The following RBFOX1 variants were observed in gnomAD, a reference collection of about 807,000 sequenced individuals.
RBFOX1 encodes RNA binding fox-1 homolog 1.
RBFOX1 carries 8 observed loss-of-function variants against 57.7 expected under a neutral mutation model. The ratio of observed to expected loss-of-function variants is 0.14; its 90% CI spans 0.08 to 0.25. The LOEUF is 0.25. Ranked by LOEUF, RBFOX1 falls within the 10% of genes least tolerant of loss-of-function variation. RBFOX1 has a pLI of 1.00. For missense variants in RBFOX1, 611 were observed against 548.5 expected (o/e 1.11, Z -1.14); for synonymous variants, 326 against 222.4 (o/e 1.47, Z -4.15).
chr16:6,262,760 T>C (rs2152640493), intron 1 of RBFOX1, among the ~76,000 whole-genome samples: 1 of 152,326 alleles, frequency 6.6e-6, no homozygotes, highest in African/African-American at 2.4e-5. Flanking sequence ...TGTGTCTTGC[T>C]CATCTTTGAT....
chr16:6,984,075 C>A lies in RBFOX1; in HGVS notation c.-15-67982C>A, dbSNP rs187278384. ...CCTGTCTGATCAACATGGAGAAACCCTGTCTCTACTAAAAATACGAAATTA... is the reference window on the plus strand; with the variant it reads ...CCTGTCTGATCAACATGGAGAAACCATGTCTCTACTAAAAATACGAAATTA... On this transcript the variant is annotated intron_variant, in intron 3 of 15. Transcript: ENST00000550418. Among the ~76,000 whole-genome samples, 45 of 152,244 alleles carry A rather than the reference C, an allele frequency of 3.0e-4. No individual in the cohort carries two copies. In the East Asian group the frequency reaches 7.5e-3, roughly 25 times the overall value.
chr16:5,416,764 C>T (rs1261764097), intron 1 of RBFOX1, among the ~76,000 whole-genome samples: 4 of 151,884 alleles, frequency 2.6e-5, no homozygotes, highest in African/African-American at 9.7e-5. Context: ...CTCCCCTTGT[C>T]TCATTCATGC....
At chr16:6,203,065 C>T (rs181743463) in intron 1 of RBFOX1, among the ~76,000 whole-genome samples, 114 of 151,932 alleles carry the variant, frequency 7.5e-4, no homozygotes, top group Non-Finnish European at 1.1e-3. Flanking sequence ...TGTGAGCCAC[C>T]GTGCCCAGCT....
chr16:5,964,386 C>A (rs958553536), intron 4 of RBFOX1, among the ~76,000 whole-genome samples: 2 of 152,112 alleles, frequency 1.3e-5, no homozygotes, highest in Admixed American at 6.6e-5. Flanking sequence ...CCAACAATCC[C>A]ACTTCTGGGT....
At chr16:5,775,261 C>T (rs764228006) in intron 3 of RBFOX1, among the ~76,000 whole-genome samples, 1 of 152,172 alleles carries the variant, frequency 6.6e-6, no homozygotes, top group African/African-American at 2.4e-5. Context: ...TCCTAAGCTT[C>T]CCTTCAACTA....
chr16:5,888,298 C>T lies in RBFOX1; in HGVS notation c.351+20963C>T, dbSNP rs542209838. Among the ~76,000 whole-genome samples the T allele has an allele frequency of 5.9e-5, 9 of 152,306 alleles. No homozygotes were observed. In the South Asian group the frequency reaches 1.4e-3, roughly 25 times the overall value. Reference sequence around the variant, plus strand: ...TTCTCCAGTTGCCTCCCCTCATTATCCATCCCAAAGTGAGCATCTTCCTTT... The same window carrying T: ...TTCTCCAGTTGCCTCCCCTCATTATTCATCCCAAAGTGAGCATCTTCCTTT... On this transcript the variant is annotated intron_variant, in intron 4 of 19. Transcript: ENST00000641259.
intron 4 of RBFOX1, among the ~76,000 whole-genome samples, chr16:7,076,686 A>T (rs1013092191): frequency 6.6e-6 from 1 of 152,240 alleles, no homozygotes; most frequent in Non-Finnish European, 1.5e-5. Flanking sequence ...CACAAAGTGT[A>T]AACAATTCTA....
intron 3 of RBFOX1, among the ~76,000 whole-genome samples, chr16:6,851,788 C>A (rs1303551926): frequency 1.3e-5 from 2 of 152,138 alleles, no homozygotes. Flanking sequence ...GCACCCGGAC[C>A]CTTAACTCCT....
At chr16:5,904,712 T>C (rs1395195145) in intron 4 of RBFOX1, among the ~76,000 whole-genome samples, 2 of 152,140 alleles carry the variant, frequency 1.3e-5, no homozygotes, top group Middle Eastern at 3.4e-3. Context: ...GCACAGTGTC[T>C]CGCGCCTGTA....
intron 4 of RBFOX1, among the ~76,000 whole-genome samples, chr16:5,869,350 A>C (rs1317704729): frequency 6.6e-6 from 1 of 152,164 alleles, no homozygotes; most frequent in East Asian, 1.9e-4. Flanking sequence ...GGCAGTTTAA[A>C]ACAATCATCC....
intron 5 of RBFOX1, among the ~76,000 whole-genome samples, chr16:7,522,825 C>T (rs1419010129): frequency 1.3e-5 from 2 of 152,112 alleles, no homozygotes; most frequent in Non-Finnish European, 2.9e-5. Context: ...AAAAAGAAAC[C>T]ACTTTTTAAC....
intron 3 of RBFOX1, among the ~76,000 whole-genome samples, chr16:6,813,385 A>G (rs576638837): frequency 5.0e-4 from 76 of 152,204 alleles, no homozygotes; most frequent in African/African-American, 1.7e-3. Context: ...TCCCATCTTG[A>G]GAATGCTCGT....
rs886427289 is a variant in RBFOX1, at chr16:5,987,867, A to G, written c.351+120532A>G. 4.6e-5 allele frequency among the ~76,000 whole-genome samples: 7 copies of G among 152,224 alleles called. No homozygotes were observed. The South Asian group carries it at 8.3e-4, about 18-fold the overall frequency. On this transcript the variant is annotated intron_variant, in intron 4 of 19. Coordinates refer to the RBFOX1 transcript ENST00000641259. ...CTGACACCCAGCTAAGCACTTTTCAATAGCATTTTATATAATCCCTGAAGT... is the reference window on the plus strand; with the variant it reads ...CTGACACCCAGCTAAGCACTTTTCAGTAGCATTTTATATAATCCCTGAAGT...
intron 1 of RBFOX1, among the ~76,000 whole-genome samples, chr16:6,093,243 CA>C (rs896650429): frequency 8.5e-5 from 13 of 152,118 alleles, no homozygotes; most frequent in Admixed American, 2.6e-4. Context: ...TTAAAACGAG[CA>C]ACATGTTATT....
At chr16:6,267,972 C>G (rs760835659) in intron 1 of RBFOX1, among the ~76,000 whole-genome samples, 1 of 152,156 alleles carries the variant, frequency 6.6e-6, no homozygotes, top group African/African-American at 2.4e-5. Flanking sequence ...GTAATTAACC[C>G]CTGTGTCTTG....
At chr16:5,493,641 G>A (rs758463530) in intron 2 of RBFOX1, among the ~76,000 whole-genome samples, 7 of 152,168 alleles carry the variant, frequency 4.6e-5, no homozygotes, top group African/African-American at 7.2e-5. Flanking sequence ...TGACAATACC[G>A]ATCTGTCAAG....
intron 1 of RBFOX1, among the ~76,000 whole-genome samples, chr16:6,233,459 A>G (rs1174160559): frequency 6.6e-6 from 1 of 151,992 alleles, no homozygotes; most frequent in African/African-American, 2.4e-5. Context: ...TGATTATATT[A>G]CCCCATAGGC....
In RBFOX1 at chr16:6,019,840, C is replaced by T. The variant is rs2095031847; in HGVS notation, c.-279C>T. On this transcript the variant is annotated 5_prime_UTR_variant, in exon 1 of 16. Transcript: ENST00000550418. The surrounding 1 kb of genome is among the most constrained non-coding windows in gnomAD (Gnocchi z 4.2). ...GGCGCGCCAGGGCGGGGCTGACCTG[C>T]CCGCGAAGTTGCGGACAGTGCGTGA... 1.3e-6 allele frequency: 2 copies of T among 1,524,696 alleles called. No individual in the cohort carries two copies. The highest frequency in any genetic ancestry group is 1.4e-5 in the African/African-American group (1 of 72,620). The allele number at this position is 1,524,696 out of a possible 1,614,324, so 94.4% of individuals were successfully genotyped here.
In RBFOX1 at chr16:6,786,357, T is replaced by C. The variant is rs554705051; in HGVS notation, c.-16+131707T>C. On this transcript the variant is annotated intron_variant, in intron 3 of 15. Transcript: ENST00000550418. ...CAATGTACCCCCACAATGAGGAGAG[T>C]CCCTGTTGTCCCAGACAGCATTATT... Among the ~76,000 whole-genome samples, 3 of 152,054 alleles carry C rather than the reference T, an allele frequency of 2.0e-5. No individual in the cohort carries two copies. The East Asian group carries it at 5.8e-4, about 29-fold the overall frequency.
Sources: gnomAD v4.1 joint callset for allele counts (sites outside exome capture counted in the v4.1 genomes callset) on GRCh38, gnomAD v4.1.1 for gene constraint, Gnocchi (gnomAD v3.1) non-coding constraint, MANE v1.5 for transcripts, NCBI Gene and HGNC (gene_info 2026-07-23, HGNC 2026-07-21) for gene names.